The following BIN1 variants were observed in gnomAD, a reference collection of about 807,000 sequenced individuals.
The protein encoded by BIN1 is bridging integrator 1, also known as myc box-dependent-interacting protein 1.
A neutral mutation model predicts 82.0 loss-of-function variants in BIN1; 53 were observed. That is an observed-to-expected ratio of 0.65 (90% CI 0.52 to 0.81). The LOEUF is 0.81. Among genes scored for constraint, BIN1 ranks in the 40% least tolerant of loss-of-function variants. The pLI, the probability that BIN1 is intolerant of heterozygous loss-of-function variation, is 0.00. For synonymous variants in BIN1, 302 were observed against 328.0 expected, an observed-to-expected ratio of 0.92 and a Z score of 0.86; for missense variants, 642 against 784.4, an observed-to-expected ratio of 0.82 and a Z score of 2.17.
chr2:127,103,840 C>G (rs1197824947), intron 1 of BIN1, among the ~76,000 whole-genome samples: 2 of 152,248 alleles, frequency 1.3e-5, no homozygotes, highest in Non-Finnish European at 2.9e-5. Flanking sequence ...GAGGGTTCGA[C>G]AAGCCAAACG....
At chr2:127,083,232 A>G (rs1687531495) in intron 1 of BIN1, among the ~76,000 whole-genome samples, 1 of 151,998 alleles carries the variant, frequency 6.6e-6, no homozygotes, top group Admixed American at 6.6e-5. Flanking sequence ...ACTACAGGCC[A>G]CTGCACCTAG....
intron 8 of BIN1, 112 bp downstream of exon 8, chr2:127,063,821 G>T (rs533398571): frequency 3.0e-5 from 44 of 1,467,928 alleles, no homozygotes; most frequent in Admixed American, 1.2e-4. Context: ...ACCGCAGCAC[G>T]CAGACTGGAC....
rs367704580 is a variant in BIN1 at position 127,054,024 on chromosome 2, C to G, written c.1132-12G>C. ...CCCGGGGCCTCAAACTTGGCAGCAG[C>G]AGCAGCAGCAGAGGAGGAAGCAGTT... On this transcript the variant is annotated splice_polypyrimidine_tract_variant and intron_variant, in intron 12 of 18. Transcript: ENST00000316724. 2 of 1,550,006 alleles carry G rather than the reference C, an allele frequency of 1.3e-6. No individual in the cohort carries two copies. Among genetic ancestry groups the G allele is most frequent in the East Asian group, 2.4e-5 (1 of 40,904 alleles).
chr2:127,075,608 TG>T (rs1686477632), intron 2 of BIN1, among the ~76,000 whole-genome samples: 1 of 152,070 alleles, frequency 6.6e-6, no homozygotes, highest in African/African-American at 2.4e-5. Flanking sequence ...TGAGCCCCTC[TG>T]GCAAGCCAAG....
rs1234455550 is a variant in BIN1 at position 127,082,106 on chromosome 2, A to T, written c.85-5400T>A. Among the ~76,000 whole-genome samples, 3 of 152,060 alleles carry T rather than the reference A, an allele frequency of 2.0e-5. No individual in the cohort carries two copies. The highest frequency in any genetic ancestry group is 1.5e-5 in the Non-Finnish European group (1 of 67,978). ...GGAGACACCCCAAGAGGCGAAAGGG[A>T]GGAGGGCCCCTAGAACAGGACAAAG... On this transcript the variant is annotated intron_variant, in intron 1 of 18. Coordinates refer to ENST00000316724, the MANE Select transcript of BIN1 (RefSeq NM_139343.3). This position sits in a 1 kb window ranked among gnomAD's most constrained non-coding sequence, Gnocchi z 6.1.
chr2:127,064,148 G>T, intron 7 of BIN1, 130 bp from the exon 8 acceptor site: 1 of 1,030,808 alleles, frequency 9.7e-7, no homozygotes. Context: ...GCAAGACAGA[G>T]GCTGAACTGG....
chr2:127,057,659 TG>T lies in BIN1; in HGVS notation c.1003-59del. On this transcript the variant is annotated intron_variant, in intron 11 of 18. Transcript: ENST00000316724. The surrounding 1 kb of genome is among the most constrained non-coding windows in gnomAD (Gnocchi z 5.0). ...GGAAGGCACAGCAGAGCACGGGGTT[TG>T]GGGGAGACAGACAGAGACAAAGCCA... is the stretch of plus-strand genomic sequence containing the variant. The T allele has an allele frequency of 2.8e-6, 4 of 1,453,526 alleles. No homozygotes were observed. Among genetic ancestry groups the T allele is most frequent in the Non-Finnish European group, 3.6e-6 (4 of 1,097,252 alleles). The allele number at this position is 1,453,526 out of a possible 1,614,324, so 90.0% of individuals were successfully genotyped here. A position where few individuals can be genotyped will look rare whatever the true frequency, so the allele number is the denominator to read the frequency against.
chr2:127,068,841 G>C lies in BIN1; in HGVS notation c.519+83C>G, dbSNP rs1573636879. 22 of 1,347,622 alleles carry C rather than the reference G, an allele frequency of 1.6e-5. No homozygotes were observed. The East Asian group carries it at 5.1e-4, about 31-fold the overall frequency. 83.5% of individuals were successfully genotyped at this position (1,347,622 alleles called of 1,614,324 possible). A position where few individuals can be genotyped will look rare whatever the true frequency, so the allele number is the denominator to read the frequency against. The stretch of plus-strand genomic sequence containing the variant: ...TCAGCCACCTGGGGCCAGGCAGGAG[G>C]AAGCCTCCACCCTCGGGGTCCTAGA... On this transcript the variant is annotated intron_variant, in intron 6 of 18. Coordinates refer to ENST00000316724, the MANE Select transcript of BIN1 (RefSeq NM_139343.3). The surrounding 1 kb of genome is among the most constrained non-coding windows in gnomAD (Gnocchi z 4.9).
chr2:127,101,250 C>A (rs945110707), intron 1 of BIN1, among the ~76,000 whole-genome samples: 5 of 152,306 alleles, frequency 3.3e-5, no homozygotes, highest in African/African-American at 1.2e-4. Context: ...GGAGGCTTGC[C>A]AAACAGGCAG....
intron 2 of BIN1, among the ~76,000 whole-genome samples, chr2:127,075,690 T>G (rs1164714799): frequency 1.3e-5 from 2 of 150,888 alleles, no homozygotes; most frequent in Admixed American, 6.6e-5. Flanking sequence ...CCCTCCCAGC[T>G]GCTCCCAGCC....
chr2:127,088,819 A>T (rs1160829702), intron 1 of BIN1, among the ~76,000 whole-genome samples: 2 of 151,894 alleles, frequency 1.3e-5, no homozygotes, highest in Non-Finnish European at 2.9e-5. Flanking sequence ...GAACTCAGGG[A>T]AGTGACAGCT....
intron 7 of BIN1, among the ~76,000 whole-genome samples, chr2:127,066,073 C>A (rs141679482): frequency 1.3e-5 from 2 of 152,160 alleles, no homozygotes. Context: ...TGCATGGAGC[C>A]GGCCAGCCCC....
At position 127,050,550 on chromosome 2, in the gene BIN1, A is replaced by T. The variant is rs765698397; in HGVS notation, c.1573-28T>A. On this transcript the variant is annotated intron_variant, in intron 17 of 18. Transcript: ENST00000316724. ...GCAGAGGATGCGGATCGCAAGTCAG[A>T]CCTTCCGTCCCACCTCCAGCCCTGC... 6.8e-6 allele frequency: 11 copies of T among 1,612,256 alleles called. No individual in the cohort carries two copies. The Admixed American group carries it at 1.2e-4, about 17-fold the overall frequency.
intron 14 of BIN1, 69 bp downstream of exon 14, chr2:127,053,353 T>G (rs550378452): frequency 4.4e-6 from 7 of 1,595,956 alleles, no homozygotes; most frequent in Non-Finnish European, 6.0e-6. Flanking sequence ...GCTAGGAGCA[T>G]GTGGGCCTGG....
intron 1 of BIN1, among the ~76,000 whole-genome samples, chr2:127,099,617 G>A (rs1262191354): frequency 6.6e-6 from 1 of 152,132 alleles, no homozygotes; most frequent in Non-Finnish European, 1.5e-5. Context: ...GGGTTCAAGC[G>A]ATTCTCCTGC....
chr2:127,102,984 T>A (rs1031111992), intron 1 of BIN1, among the ~76,000 whole-genome samples: 2 of 152,070 alleles, frequency 1.3e-5, no homozygotes, highest in Non-Finnish European at 2.9e-5. Flanking sequence ...AGGACAGAGA[T>A]GGGCCCCAAG....
chr2:127,104,918 C>G (rs896741189), intron 1 of BIN1, among the ~76,000 whole-genome samples: 1 of 152,180 alleles, frequency 6.6e-6, no homozygotes, highest in Admixed American at 6.5e-5. Context: ...TAACTAGTCT[C>G]CGGCAGGCAG....
rs200108564 is a variant in BIN1 at position 127,048,504 on chromosome 2, G to A, written c.*22C>T. ...GGGAGGAGGTGTTCTTCACACGCCC[G>A]GAGGCTGCCTGGGCCCCGCCGTCAT... On this transcript the variant is annotated 3_prime_UTR_variant, in exon 19 of 19. Coordinates refer to ENST00000316724, the MANE Select transcript of BIN1 (RefSeq NM_139343.3). 5.5e-4 allele frequency: 891 copies of A among 1,609,662 alleles called. No homozygotes were observed. Among genetic ancestry groups the A allele is most frequent in the Non-Finnish European group, 6.8e-4 (799 of 1,176,394 alleles).
At chr2:127,062,839 A>G (rs1330647707) in intron 9 of BIN1, among the ~76,000 whole-genome samples, 1 of 152,226 alleles carries the variant, frequency 6.6e-6, no homozygotes, top group Non-Finnish European at 1.5e-5. Flanking sequence ...GGAAAAAGGA[A>G]AAGTTAAGAA....
Sources: allele counts gnomAD v4.1 joint callset (sites outside exome capture counted in the v4.1 genomes callset), GRCh38; gene constraint gnomAD v4.1.1; non-coding constraint Gnocchi (gnomAD v3.1); transcripts MANE v1.5; gene names NCBI Gene and HGNC (gene_info 2026-07-23, HGNC 2026-07-21).